Variants in CA1 observed in about 807,000 individuals in gnomAD.
The protein encoded by CA1 is carbonic anhydrase 1.
A neutral mutation model predicts 28.8 loss-of-function variants in CA1; 27 were observed. The ratio of observed to expected loss-of-function variants is 0.94; its 90% CI spans 0.69 to 1.29. CA1 has a LOEUF of 1.29. Ranked by LOEUF, CA1 falls within the 50% of genes most tolerant of loss-of-function variation. The probability of loss-of-function intolerance (pLI) is 0.00; values close to 1 mark genes in which losing one functional copy is unlikely to be tolerated. For missense variants in CA1, 335 were observed against 310.5 expected (o/e 1.08, Z -0.59); for synonymous variants, 121 against 108.8 (o/e 1.11, Z -0.70).
intron 1 of CA1, among the ~76,000 whole-genome samples, chr8:85,352,690 A>G (rs979497573): frequency 7.0e-6 from 1 of 142,672 alleles, no homozygotes; most frequent in Non-Finnish European, 1.5e-5. Context: ...TTTTTGAGAC[A>G]TAGTCTCACT....
At chr8:85,367,584 T>TTAAA (rs2130377843) in intron 1 of CA1, among the ~76,000 whole-genome samples, 1 of 152,336 alleles carries the variant, frequency 6.6e-6, no homozygotes, top group East Asian at 1.9e-4. Context: ...GAGGGCTTTG[T>TTAAA]TAAAATACAG....
chr8:85,351,320 G>A (rs571910342), intron 1 of CA1, among the ~76,000 whole-genome samples: 2 of 152,350 alleles, frequency 1.3e-5, no homozygotes, highest in African/African-American at 2.4e-5. Context: ...AAAATCAGAG[G>A]TGGCGAATGA....
chr8:85,372,162 G>A (rs973588634), intron 1 of CA1, among the ~76,000 whole-genome samples: 2 of 152,048 alleles, frequency 1.3e-5, no homozygotes, highest in Non-Finnish European at 1.5e-5. Context: ...AATCATGGAC[G>A]ATGGACCATA....
In CA1 at chr8:85,356,728, G is replaced by A. The variant is rs182128960; in HGVS notation, c.-24-15069C>T. On this transcript the variant is annotated intron_variant, in intron 1 of 7. Coordinates refer to ENST00000523022, the MANE Select transcript of CA1 (RefSeq NM_001128831.4). ...CAAGAAGAGATAACTCGAGACTTCT[G>A]TTGGGATCAAGTATGATTAATAGCC... 6.2e-3 allele frequency among the ~76,000 whole-genome samples: 947 copies of A among 152,198 alleles called. 6 individuals are homozygous for A. The highest frequency in any genetic ancestry group is 0.011 in the Non-Finnish European group (750 of 68,018).
intron 4 of CA1, 116 bp downstream of exon 4, chr8:85,336,829 T>G (rs1253987129): frequency 1.8e-5 from 14 of 765,702 alleles, no homozygotes; most frequent in Admixed American, 7.0e-5. Flanking sequence ...TGGGAGTTCC[T>G]TACTGGAATA....
chr8:85,335,676 A>C (rs557605962), intron 4 of CA1, among the ~76,000 whole-genome samples: 2 of 152,272 alleles, frequency 1.3e-5, no homozygotes, highest in South Asian at 4.2e-4. Context: ...GATTTTTCTC[A>C]ATTTAGATGA....
At chr8:85,351,070 T>A (rs1809393070) in intron 1 of CA1, among the ~76,000 whole-genome samples, 1 of 152,318 alleles carries the variant, frequency 6.6e-6, no homozygotes, top group East Asian at 1.9e-4. Flanking sequence ...GTTGCTACAC[T>A]TTTTTATCCA....
intron 1 of CA1, among the ~76,000 whole-genome samples, chr8:85,368,927 C>T (rs1211503631): frequency 6.6e-6 from 1 of 152,066 alleles, no homozygotes; most frequent in Admixed American, 6.6e-5. Context: ...CTGGATAGAG[C>T]TTCGAGGGAA....
At chr8:85,360,248 T>A (rs1307089424) in intron 1 of CA1, among the ~76,000 whole-genome samples, 1 of 152,216 alleles carries the variant, frequency 6.6e-6, no homozygotes, top group Non-Finnish European at 1.5e-5. Flanking sequence ...CCAGCCAGAT[T>A]TTATTTATAA....
At chr8:85,345,994 C>A (rs1809169468) in intron 1 of CA1, among the ~76,000 whole-genome samples, 1 of 152,008 alleles carries the variant, frequency 6.6e-6, no homozygotes. Flanking sequence ...AAAGTTTCAA[C>A]CTTTTATTTC....
intron 4 of CA1, among the ~76,000 whole-genome samples, chr8:85,335,226 A>G (rs1035386297): frequency 1.3e-5 from 2 of 152,054 alleles, no homozygotes; most frequent in Non-Finnish European, 2.9e-5. Flanking sequence ...ATTTGCTACT[A>G]TATTTATTTA....
At chr8:85,336,134 G>A (rs959385122) in intron 4 of CA1, among the ~76,000 whole-genome samples, 12 of 152,034 alleles carry the variant, frequency 7.9e-5, no homozygotes, top group East Asian at 1.9e-4. Context: ...ATACTATGCT[G>A]ACAGTAAAAA....
chr8:85,337,686 C>G (rs1261471088), intron 3 of CA1, among the ~76,000 whole-genome samples: 1 of 152,016 alleles, frequency 6.6e-6, no homozygotes, highest in African/African-American at 2.4e-5. Context: ...TCCCAAGGTG[C>G]CTAAAATTTA....
At chr8:85,370,411 G>A (rs928304192) in intron 1 of CA1, among the ~76,000 whole-genome samples, 3 of 152,028 alleles carry the variant, frequency 2.0e-5, no homozygotes, top group Non-Finnish European at 2.9e-5. Flanking sequence ...TTTTTTAATA[G>A]TACTAAAACC....
chr8:85,367,744 T>C (rs1157039999), intron 1 of CA1, among the ~76,000 whole-genome samples: 2 of 152,186 alleles, frequency 1.3e-5, no homozygotes, highest in Non-Finnish European at 2.9e-5. Context: ...ATTCCTTGTA[T>C]ACCCTTTGTC....
At chr8:85,334,419 C>T (rs956642744) in intron 4 of CA1, among the ~76,000 whole-genome samples, 5 of 152,140 alleles carry the variant, frequency 3.3e-5, no homozygotes, top group African/African-American at 9.7e-5. Flanking sequence ...GAATTTCCTT[C>T]CCCATGATCT....
intron 2 of CA1, among the ~76,000 whole-genome samples, chr8:85,338,912 C>T (rs907100984): frequency 6.6e-6 from 1 of 151,988 alleles, no homozygotes; most frequent in Middle Eastern, 3.4e-3. Flanking sequence ...GATGGGGTTT[C>T]ATCATGTTGT....
intron 1 of CA1, among the ~76,000 whole-genome samples, chr8:85,352,821 A>T (rs1809463692): frequency 6.6e-6 from 1 of 152,082 alleles, no homozygotes; most frequent in South Asian, 2.1e-4. Flanking sequence ...ATGTGCCACC[A>T]TGCTTGGCTA....
chr8:85,361,866 A>G (rs1809808680), intron 1 of CA1, among the ~76,000 whole-genome samples: 1 of 152,160 alleles, frequency 6.6e-6, no homozygotes, highest in Admixed American at 6.6e-5. Flanking sequence ...CCCATTGATC[A>G]TGCAAGTTAC....
Sources: allele counts gnomAD v4.1 joint callset (sites outside exome capture counted in the v4.1 genomes callset), GRCh38; gene constraint gnomAD v4.1.1; transcripts MANE v1.5; gene names NCBI Gene and HGNC (gene_info 2026-07-23, HGNC 2026-07-21).